LRRC9: variants seen among roughly 807,000 people sequenced by gnomAD.
LRRC9 encodes the protein leucine-rich repeat-containing protein 9.
LRRC9 carries 122 observed loss-of-function variants against 63.2 expected under a neutral mutation model. The observed-to-expected ratio is 1.93, with a 90% CI of 1.67 to 2.24. The LOEUF (loss-of-function observed/expected upper bound fraction) is 2.24, where lower values mean the gene tolerates loss of function less well. Among genes scored for constraint, LRRC9 ranks in the 30% most tolerant of loss-of-function variants. The pLI, the probability that LRRC9 is intolerant of heterozygous loss-of-function variation, is 0.00. For synonymous variants in LRRC9, 366 were observed against 213.1 expected (o/e 1.72, Z -6.25); for missense variants, 1,071 against 627.7 (o/e 1.71, Z -7.55).
chr14:60,062,013 A>G (rs1396939419), intron 31 of LRRC9: 11 of 397,766 alleles, frequency 2.8e-5, no homozygotes, highest in Non-Finnish European at 4.4e-5. Flanking sequence ...AATTTCAGAC[A>G]AAAAAAACAA....
chr14:59,961,898 T>TA (rs1884388775), intron 10 of LRRC9, among the ~76,000 whole-genome samples: 1 of 152,168 alleles, frequency 6.6e-6, no homozygotes, highest in Admixed American at 6.5e-5. Flanking sequence ...ACTGGGTACA[T>TA]GGAAATACAC....
In LRRC9 at chr14:59,958,855, T is replaced by G. The variant is rs2139958923; in HGVS notation, c.883-963T>G. On this transcript the variant is annotated intron_variant, in intron 8 of 31. Coordinates refer to ENST00000445360, the Ensembl canonical transcript of LRRC9. This position sits in a 1 kb window ranked among gnomAD's most constrained non-coding sequence, Gnocchi z 4.0. ...ACAGTCCCTCACAGCTTACCTTGGCTGGGGGAGGGAGGTCCCTGCTCCTTG... is the reference window on the plus strand; with the variant it reads ...ACAGTCCCTCACAGCTTACCTTGGCGGGGGGAGGGAGGTCCCTGCTCCTTG... Among the ~76,000 whole-genome samples, 1 of 152,158 alleles carries G rather than the reference T, an allele frequency of 6.6e-6. No individual in the cohort carries two copies. Among genetic ancestry groups the G allele is most frequent in the East Asian group, 1.9e-4 (1 of 5,188 alleles).
chr14:59,939,607 A>G (rs1881540880), intron 7 of LRRC9, among the ~76,000 whole-genome samples: 1 of 152,018 alleles, frequency 6.6e-6, no homozygotes, highest in Non-Finnish European at 1.5e-5. Flanking sequence ...AGATTCTGGT[A>G]GCAGTTACAA....
intron 10 of LRRC9, among the ~76,000 whole-genome samples, chr14:59,961,279 A>G (rs912088280): frequency 8.5e-5 from 13 of 152,318 alleles, no homozygotes; most frequent in African/African-American, 3.1e-4. Context: ...AGACATCCTA[A>G]TGGTTTATCA....
intron 27 of LRRC9, among the ~76,000 whole-genome samples, chr14:60,025,014 C>T (rs966021966): frequency 1.3e-5 from 2 of 151,390 alleles, no homozygotes; most frequent in African/African-American, 4.9e-5. Flanking sequence ...TTTTTTATGG[C>T]TGTGACAGAT....
rs1230790461 is a variant in LRRC9, at chr14:59,922,113, G to C, written c.-34+2230G>C. 5.4e-5 allele frequency among the ~76,000 whole-genome samples: 8 copies of C among 148,482 alleles called. No homozygotes were observed. The highest frequency in any genetic ancestry group is 1.2e-4 in the Non-Finnish European group (8 of 67,862). ...AAAAAATAAATAAATAAATAAGAAA[G>C]AAAAAAGAAAAGAAGAAAAGCACAA... On this transcript the variant is annotated intron_variant, in intron 1 of 31. Coordinates refer to ENST00000445360, the Ensembl canonical transcript of LRRC9. This position sits in a 1 kb window ranked among gnomAD's most constrained non-coding sequence, Gnocchi z 5.3.
chr14:60,062,919 T>G (rs1183922208), intron 31 of LRRC9, among the ~76,000 whole-genome samples: 1 of 151,852 alleles, frequency 6.6e-6, no homozygotes, highest in Non-Finnish European at 1.5e-5. Flanking sequence ...GAGACAGAGT[T>G]TCACTCTTGT....
intron 6 of LRRC9, among the ~76,000 whole-genome samples, chr14:59,933,965 G>A (rs1461413551): frequency 5.3e-5 from 8 of 152,104 alleles, no homozygotes; most frequent in Admixed American, 5.2e-4. Context: ...ACAACAGAGA[G>A]CTGTAAAATT....
chr14:59,949,515 C>G (rs1273001750), intron 8 of LRRC9, among the ~76,000 whole-genome samples: 1 of 151,104 alleles, frequency 6.6e-6, no homozygotes, highest in African/African-American at 2.4e-5. Flanking sequence ...TCCTTCAGTT[C>G]TGCTCTGATT....
At chr14:60,062,133 G>C (rs1894694203) in intron 31 of LRRC9, 2 of 398,566 alleles carry the variant, frequency 5.0e-6, no homozygotes, top group Non-Finnish European at 8.9e-6. Flanking sequence ...TCAGAATATT[G>C]CATCTCCTAC....
chr14:60,040,445 T>C (rs1380237643), intron 29 of LRRC9, among the ~76,000 whole-genome samples: 1 of 151,996 alleles, frequency 6.6e-6, no homozygotes, highest in Non-Finnish European at 1.5e-5. Context: ...TGGGTGCTCC[T>C]GTATTGGGTG....
intron 7 of LRRC9, among the ~76,000 whole-genome samples, chr14:59,941,256 G>T (rs1191978952): frequency 6.6e-6 from 1 of 151,896 alleles, no homozygotes; most frequent in African/African-American, 2.4e-5. Context: ...GTTGTTTTTT[G>T]TGGAAGATGG....
In LRRC9 at chr14:60,027,821, T is replaced by TA. The variant is rs1891676713; in HGVS notation, c.3704-62dup. ...TGATTAAAAAATATTTAAATGTAAG[T>TA]AGATATCCTTTACTTCAGGAAGTTT... On this transcript the variant is annotated intron_variant, in intron 27 of 31. Transcript: ENST00000445360. This position sits in a 1 kb window ranked among gnomAD's most constrained non-coding sequence, Gnocchi z 4.0. 5 of 568,424 alleles carry TA rather than the reference T, an allele frequency of 8.8e-6. No individual in the cohort carries two copies. The highest frequency in any genetic ancestry group is 7.5e-5 in the African/African-American group (4 of 53,236). The allele number at this position is 568,424 out of a possible 1,614,324, so 35.2% of individuals were successfully genotyped here.
chr14:60,000,920 G>A (rs1335025923), intron 19 of LRRC9, among the ~76,000 whole-genome samples: 1 of 152,022 alleles, frequency 6.6e-6, no homozygotes, highest in Non-Finnish European at 1.5e-5. Context: ...AATATGTGCC[G>A]AAGATCTGAA....
chr14:59,987,637 A>C (rs1472920659), intron 17 of LRRC9, among the ~76,000 whole-genome samples: 1 of 151,868 alleles, frequency 6.6e-6, no homozygotes, highest in Admixed American at 6.6e-5. Flanking sequence ...AAGTGGATCC[A>C]CAGATAGGAT....
intron 29 of LRRC9, among the ~76,000 whole-genome samples, chr14:60,032,815 G>T (rs957477837): frequency 3.3e-5 from 5 of 151,990 alleles, no homozygotes; most frequent in Admixed American, 2.6e-4. Context: ...CATTCTTCCA[G>T]AACACTTTCT....
intron 29 of LRRC9, among the ~76,000 whole-genome samples, chr14:60,041,460 T>G (rs1813560187): frequency 6.6e-6 from 1 of 152,210 alleles, no homozygotes; most frequent in Non-Finnish European, 1.5e-5. Context: ...ATGCATTTTT[T>G]ACTCTAAACT....
chr14:60,043,519 A>G lies in LRRC9; in HGVS notation c.3991-9546A>G, dbSNP rs543580329. ...CATTAAGGATACTGAATTTTATCAA[A>G]TGCCTTTTTGGCATCTATTGAAATA... On this transcript the variant is annotated intron_variant, in intron 29 of 31. Transcript: ENST00000445360. Among the ~76,000 whole-genome samples the G allele has an allele frequency of 2.6e-5, 4 of 152,298 alleles. No homozygotes were observed. The East Asian group carries it at 7.7e-4, about 29-fold the overall frequency.
chr14:59,993,184 A>C (rs2140160448), intron 17 of LRRC9, among the ~76,000 whole-genome samples: 1 of 152,356 alleles, frequency 6.6e-6, no homozygotes, highest in East Asian at 1.9e-4. Flanking sequence ...AGAATTTTCA[A>C]CCCAGAATTT....
Sources: allele counts gnomAD v4.1 joint callset (sites outside exome capture counted in the v4.1 genomes callset), GRCh38; gene constraint gnomAD v4.1.1; non-coding constraint Gnocchi (gnomAD v3.1); transcripts MANE v1.5; gene names NCBI Gene and HGNC (gene_info 2026-07-23, HGNC 2026-07-21).